Variants in ABCA13 observed in about 807,000 individuals in gnomAD.
The protein encoded by ABCA13 is ATP binding cassette subfamily A member 13.
Under a neutral mutation model 478.7 loss-of-function variants are expected in ABCA13, and 476 were observed. That is an observed-to-expected ratio of 0.99 (90% CI 0.92 to 1.07). The LOEUF is 1.07. Ranked by LOEUF, ABCA13 falls within the 50% of genes least tolerant of loss-of-function variation. ABCA13 has a pLI of 0.00. For missense variants in ABCA13, 6,060 were observed against 5,910.6 expected, an observed-to-expected ratio of 1.03 and a Z score of -0.83; for synonymous variants, 2,252 against 2,158.9, an observed-to-expected ratio of 1.04 and a Z score of -1.20.
At position 48,313,159 on chromosome 7, in the gene ABCA13, C is replaced by CT. The variant is rs1285476970; in HGVS notation, c.9612dup (p.Glu3205Ter). ...CCTTGCTTGCCAAAGCCCAGCACGT[C>CT]TTTGAGTATCTTCCTGAGTTTCTTC... is the stretch of plus-strand genomic sequence containing the variant. On this transcript the variant is annotated frameshift_variant, in exon 25 of 62. Transcript: ENST00000435803. LOFTEE classifies it high-confidence loss of function. 1.2e-6 allele frequency: 2 copies of CT among 1,613,024 alleles called. No individual in the cohort carries two copies. The highest frequency in any genetic ancestry group is 4.5e-5 in the East Asian group (2 of 44,880).
chr7:48,275,052 A>C lies in ABCA13; in HGVS notation c.5386A>C (p.Lys1796Gln). The change falls in exon 17 of 62, where the codon AAA becomes CAA. Residue 1796 changes from lysine (K) to glutamine (Q), a missense_variant. Around this residue, in one of 3 missense-constraint regions of ABCA13, gnomAD observed 4,423 missense variants for 4,309.1 expected, o/e 1.03. Transcript: ENST00000435803. ...CAAGGAAGACTTCGCAATTGTGATAAAAATTCTTTTGGATACAATTGAATT... is the reference window on the plus strand; with the variant it reads ...CAAGGAAGACTTCGCAATTGTGATACAAATTCTTTTGGATACAATTGAATT... ...ITKEDFAIVI[K>Q]ILLDTIELVS... 6.2e-7 allele frequency: 1 copy of C among 1,613,666 alleles called. No homozygotes were observed. Among genetic ancestry groups the C allele is most frequent in the Non-Finnish European group, 8.5e-7 (1 of 1,179,718 alleles).
In ABCA13 at chr7:48,615,296, G is replaced by A; in HGVS notation, c.14756G>A (p.Cys4919Tyr). 2 of 1,565,366 alleles carry A rather than the reference G, an allele frequency of 1.3e-6. No individual in the cohort carries two copies. Among genetic ancestry groups the A allele is most frequent in the South Asian group, 1.2e-5 (1 of 83,424 alleles). ...TTCCTTCTTTACAGCATGGAGGAGTGTGAGGCTCTTTGCACAAGACTGGCC... is the reference window on the plus strand; with the variant it reads ...TTCCTTCTTTACAGCATGGAGGAGTATGAGGCTCTTTGCACAAGACTGGCC... ...AVLTSHSMEE[C>Y]EALCTRLAIM... The change falls in exon 59 of 62, where the codon TGT becomes TAT. Residue 4919 changes from cysteine to tyrosine, a missense_variant. Physicochemically the swap from Cys to Tyr is radical, Grantham distance 194. Coordinates refer to ENST00000435803, the MANE Select transcript of ABCA13 (RefSeq NM_152701.5).
Position 48,279,173 on chromosome 7 carries a change from A to C in ABCA13, c.7979A>C (p.Asn2660Thr), listed in dbSNP as rs536708068. 6.2e-7 allele frequency: 1 copy of C among 1,601,178 alleles called. No individual in the cohort carries two copies. Among genetic ancestry groups the C allele is most frequent in the Non-Finnish European group, 8.5e-7 (1 of 1,173,784 alleles). ...EDMRSLAVAF[N>T]NETQTFSMDS... Reference sequence around the variant, plus strand: ...ATGAGGAGTCTTGCGGTAGCATTTAACAATGAGACTCAAACATTTTCTATG... The same window carrying C: ...ATGAGGAGTCTTGCGGTAGCATTTACCAATGAGACTCAAACATTTTCTATG... The change falls in exon 18 of 62, where the codon AAC becomes ACC. Residue 2660 changes from asparagine to threonine, a missense_variant. Around this residue, in one of 3 missense-constraint regions of ABCA13, gnomAD observed 4,423 missense variants for 4,309.1 expected, o/e 1.03. Transcript: ENST00000435803.
In ABCA13 at chr7:48,308,466, A is replaced by G. The variant is rs551404801; in HGVS notation, c.9322-1481A>G. Among the ~76,000 whole-genome samples, 5 of 152,348 alleles carry G rather than the reference A, an allele frequency of 3.3e-5. No individual in the cohort carries two copies. In the South Asian group the frequency reaches 1.0e-3, roughly 32 times the overall value. ...TCCTTGTCACTATTATGTACTGTAC[A>G]TAATTGTGTGTGTGATACTTTTGCT... On this transcript the variant is annotated intron_variant, in intron 23 of 61. Transcript: ENST00000435803.
intron 5 of ABCA13, among the ~76,000 whole-genome samples, chr7:48,225,408 A>T (rs538882293): frequency 2.6e-5 from 4 of 152,246 alleles, no homozygotes; most frequent in Admixed American, 2.0e-4. Context: ...TCTGAAAAAC[A>T]AGGTCATTCT....
chr7:48,185,815 T>C (rs1245585553), intron 1 of ABCA13, among the ~76,000 whole-genome samples: 2 of 152,096 alleles, frequency 1.3e-5, no homozygotes, highest in African/African-American at 2.4e-5. Flanking sequence ...ATTTTCTTCC[T>C]GTAATAAAAT....
chr7:48,540,054 G>A (rs1441714952), intron 55 of ABCA13, among the ~76,000 whole-genome samples: 1 of 152,132 alleles, frequency 6.6e-6, no homozygotes, highest in Non-Finnish European at 1.5e-5. Flanking sequence ...TGTAAAGAGA[G>A]TTGTGATACT....
At chr7:48,357,915 G>A (rs763303065) in intron 31 of ABCA13, among the ~76,000 whole-genome samples, 4 of 151,536 alleles carry the variant, frequency 2.6e-5, no homozygotes, top group Admixed American at 6.6e-5. Context: ...AGGCCGAGGC[G>A]GGCAGATCAC....
At chr7:48,589,789 C>A (rs1268722165) in intron 57 of ABCA13, among the ~76,000 whole-genome samples, 1 of 152,176 alleles carries the variant, frequency 6.6e-6, no homozygotes, top group African/African-American at 2.4e-5. Flanking sequence ...TTCCTGAAAC[C>A]TGTGCCCTCC....
intron 55 of ABCA13, among the ~76,000 whole-genome samples, chr7:48,576,038 A>G (rs1484634100): frequency 6.6e-6 from 1 of 152,236 alleles, no homozygotes; most frequent in Admixed American, 6.5e-5. Flanking sequence ...ACCACCGTTT[A>G]TATAGCATTT....
chr7:48,302,379 T>C (rs564511495), intron 23 of ABCA13, among the ~76,000 whole-genome samples: 6 of 152,328 alleles, frequency 3.9e-5, no homozygotes, highest in African/African-American at 1.4e-4. Flanking sequence ...GGGGTGCATA[T>C]GCTGGTTTGT....
chr7:48,226,471 G>A (rs916131545), intron 5 of ABCA13, among the ~76,000 whole-genome samples: 6 of 152,116 alleles, frequency 3.9e-5, no homozygotes, highest in Non-Finnish European at 8.8e-5. Flanking sequence ...TTCTTTTTCT[G>A]TTTGTTTGTT....
intron 51 of ABCA13, among the ~76,000 whole-genome samples, chr7:48,513,579 C>T (rs1831877120): frequency 6.6e-6 from 1 of 152,126 alleles, no homozygotes; most frequent in African/African-American, 2.4e-5. Context: ...ATCCACAAAG[C>T]ATGGGGAAGC....
chr7:48,276,654 G>A, intron 17 of ABCA13, 89 bp downstream of exon 17: 1 of 1,057,928 alleles, frequency 9.5e-7, no homozygotes, highest in Non-Finnish European at 1.4e-6. Context: ...GTCAAAAACA[G>A]TATTTGTATC....
intron 55 of ABCA13, among the ~76,000 whole-genome samples, chr7:48,564,128 C>A (rs952234311): frequency 1.3e-5 from 2 of 151,992 alleles, no homozygotes; most frequent in Non-Finnish European, 2.9e-5. Context: ...GAGACTTGGA[C>A]CCACAGCCAG....
At chr7:48,449,922 T>C (rs915860198) in intron 42 of ABCA13, among the ~76,000 whole-genome samples, 1 of 152,236 alleles carries the variant, frequency 6.6e-6, no homozygotes, top group Non-Finnish European at 1.5e-5. Context: ...ATGTTTTTAT[T>C]TTTGAATTGC....
chr7:48,275,598 A>C lies in ABCA13; in HGVS notation c.5932A>C (p.Ser1978Arg), dbSNP rs759373535. 6.2e-7 allele frequency: 1 copy of C among 1,611,966 alleles called. No homozygotes were observed. Among genetic ancestry groups the C allele is most frequent in the East Asian group, 2.2e-5 (1 of 44,834 alleles). Residue 1978 changes from serine (S) to arginine (R), a missense_variant, in exon 17 of 62, where the codon AGT becomes CGT. By Grantham distance (110) the Ser-to-Arg change is moderately radical. Coordinates refer to ENST00000435803, the MANE Select transcript of ABCA13 (RefSeq NM_152701.5). ...TSGENILDKL[S>R]SLNKILNINE... The stretch of plus-strand genomic sequence containing the variant: ...AGGTGAAAATATTCTTGACAAACTA[A>C]GTAGTTTAAACAAGATCCTTAACAT...
In ABCA13 at chr7:48,274,925, T is replaced by C; in HGVS notation, c.5259T>C (p.Ala1753=). 3 of 1,613,904 alleles carry C rather than the reference T, an allele frequency of 1.9e-6. No homozygotes were observed. The highest frequency in any genetic ancestry group is 2.5e-6 in the Non-Finnish European group (3 of 1,179,814). The part of the protein sequence containing the change: ...VIDVYYVLPH[A]VRLLQGVPGK... ...ATGTGTACTATGTGCTTCCTCATGC[T>C]GTAAGGCTCCTGCAGGGAGTACCTG... Residue 1753 remains alanine (A), a synonymous_variant, in exon 17 of 62, where the codon GCT becomes GCC. Coordinates refer to ENST00000435803, the MANE Select transcript of ABCA13 (RefSeq NM_152701.5).
chr7:48,220,133 A>AATCTATAG, intron 4 of ABCA13, among the ~76,000 whole-genome samples: 1 of 152,182 alleles, frequency 6.6e-6, no homozygotes, highest in East Asian at 1.9e-4. Context: ...TCTTATTTAT[A>AATCTATAG]ATCTATAGTA....
Sources: allele counts gnomAD v4.1 joint callset (sites outside exome capture counted in the v4.1 genomes callset), GRCh38; gene constraint gnomAD v4.1.1; regional missense constraint gnomAD v4.1.1; transcripts MANE v1.5; gene names NCBI Gene and HGNC (gene_info 2026-07-23, HGNC 2026-07-21).